DLG2: variants seen among roughly 807,000 people sequenced by gnomAD.
DLG2 encodes discs large MAGUK scaffold protein 2.
DLG2 carries 45 observed loss-of-function variants against 132.5 expected under a neutral mutation model. That is an observed-to-expected ratio of 0.34 (90% CI 0.27 to 0.44). The LOEUF (loss-of-function observed/expected upper bound fraction) is 0.44, where lower values mean the gene tolerates loss of function less well. Ranked by LOEUF, DLG2 falls within the 20% of genes least tolerant of loss-of-function variation. DLG2 has a pLI of 1.00. For missense variants in DLG2, 1,045 were observed against 1,196.9 expected (o/e 0.87, Z 1.87); for synonymous variants, 424 against 419.6 (o/e 1.01, Z -0.13).
intron 6 of DLG2, among the ~76,000 whole-genome samples, chr11:84,651,470 C>A (rs554119182): frequency 6.6e-6 from 1 of 152,196 alleles, no homozygotes; most frequent in African/African-American, 2.4e-5. Flanking sequence ...TCAGAGTTCA[C>A]AGGAAGATGC....
intron 7 of DLG2, among the ~76,000 whole-genome samples, chr11:84,317,520 G>A (rs1012568475): frequency 2.0e-5 from 3 of 152,100 alleles, no homozygotes; most frequent in Non-Finnish European, 2.9e-5. Flanking sequence ...TTGGCATTCC[G>A]GCTTTTCCCT....
intron 6 of DLG2, among the ~76,000 whole-genome samples, chr11:84,926,453 T>C (rs2092979796): frequency 6.6e-6 from 1 of 152,040 alleles, no homozygotes; most frequent in South Asian, 2.1e-4. Context: ...ATATAAGATA[T>C]ATATACATAT....
intron 7 of DLG2, among the ~76,000 whole-genome samples, chr11:84,398,695 C>T (rs2098819227): frequency 1.3e-5 from 2 of 152,132 alleles, no homozygotes; most frequent in Admixed American, 1.3e-4. Context: ...AAACCACACA[C>T]TCCAGTGTGA....
At chr11:85,134,524 G>A (rs1477791908) in intron 5 of DLG2, among the ~76,000 whole-genome samples, 6 of 85,080 alleles carry the variant, frequency 7.1e-5, no homozygotes, top group African/African-American at 1.6e-4. Flanking sequence ...GCGAGACTCC[G>A]TCTCAAAAAA....
intron 15 of DLG2, among the ~76,000 whole-genome samples, chr11:83,906,100 T>C (rs1002730037): frequency 1.2e-4 from 9 of 73,444 alleles, no homozygotes; most frequent in African/African-American, 4.9e-4. Context: ...TATATATATA[T>C]ATATACATAT....
At chr11:84,804,941 T>A (rs2075823012) in intron 6 of DLG2, among the ~76,000 whole-genome samples, 1 of 151,902 alleles carries the variant, frequency 6.6e-6, no homozygotes, top group South Asian at 2.1e-4. Flanking sequence ...TGGAGAAAAA[T>A]TAGGGAGCTT....
At chr11:84,636,259 C>T (rs533070114) in intron 6 of DLG2, among the ~76,000 whole-genome samples, 14 of 152,148 alleles carry the variant, frequency 9.2e-5, no homozygotes, top group Admixed American at 4.6e-4. Flanking sequence ...TTCATTTGGC[C>T]GAGAAATAGC....
intron 2 of DLG2, among the ~76,000 whole-genome samples, chr11:85,607,727 A>C (rs1008834624): frequency 6.6e-6 from 1 of 152,222 alleles, no homozygotes; most frequent in African/African-American, 2.4e-5. Flanking sequence ...GGCCTAATAA[A>C]GGCTATTCCT....
In DLG2 at chr11:84,551,910, T is replaced by C. The variant is rs187891564; in HGVS notation, c.358-17179A>G. 1.2e-3 allele frequency among the ~76,000 whole-genome samples: 186 copies of C among 152,262 alleles called. 1 individual carries two copies. Among genetic ancestry groups the C allele is most frequent in the African/African-American group, 3.7e-3 (155 of 41,554 alleles). ...TTCTCTGGTCACCCAAATACAAAAT[T>C]ACACAGATGAAGATGATCCCTCAGC... is the stretch of plus-strand genomic sequence containing the variant. On this transcript the variant is annotated intron_variant, in intron 6 of 27. Transcript: ENST00000376104.
intron 9 of DLG2, among the ~76,000 whole-genome samples, chr11:84,160,163 G>A (rs918157078): frequency 6.6e-6 from 1 of 152,074 alleles, no homozygotes; most frequent in Non-Finnish European, 1.5e-5. Context: ...GTATCTAAGG[G>A]CATGAGTCTG....
At chr11:83,742,496 A>G (rs1361585613) in intron 18 of DLG2, among the ~76,000 whole-genome samples, 1 of 152,192 alleles carries the variant, frequency 6.6e-6, no homozygotes, top group East Asian at 1.9e-4. Flanking sequence ...TAATGCTACC[A>G]AGATTCAGGA....
chr11:84,932,832 G>A (rs1247972800), intron 6 of DLG2, among the ~76,000 whole-genome samples: 1 of 152,158 alleles, frequency 6.6e-6, no homozygotes, highest in Non-Finnish European at 1.5e-5. Context: ...GTGTGTGCAT[G>A]TGTCTTTATA....
intron 17 of DLG2, among the ~76,000 whole-genome samples, chr11:83,816,972 T>C (rs552987271): frequency 8.8e-4 from 88 of 100,214 alleles, no homozygotes; most frequent in Admixed American, 1.3e-3. Context: ...GCAATACAGG[T>C]GTATACTGCC....
intron 4 of DLG2, among the ~76,000 whole-genome samples, chr11:85,219,385 T>A (rs2082855901): frequency 6.6e-6 from 1 of 152,138 alleles, no homozygotes; most frequent in Non-Finnish European, 1.5e-5. Flanking sequence ...AGTACTTCTT[T>A]AGTCTCTGTC....
intron 5 of DLG2, among the ~76,000 whole-genome samples, chr11:85,116,512 A>G (rs1351223925): frequency 6.6e-6 from 1 of 151,990 alleles, no homozygotes; most frequent in Non-Finnish European, 1.5e-5. Context: ...AATATGATTT[A>G]TGTGTGTGTA....
chr11:84,742,473 G>A (rs1350703683), intron 6 of DLG2, among the ~76,000 whole-genome samples: 2 of 152,128 alleles, frequency 1.3e-5, no homozygotes, highest in African/African-American at 4.8e-5. Flanking sequence ...AACCTTACAG[G>A]CGTTTTTCAA....
intron 6 of DLG2, among the ~76,000 whole-genome samples, chr11:84,990,011 T>C (rs2056911852): frequency 6.6e-6 from 1 of 152,086 alleles, no homozygotes; most frequent in South Asian, 2.1e-4. Flanking sequence ...ATTAACAAAT[T>C]AGACTTCTTA....
chr11:84,434,339 G>A (rs932168953), intron 7 of DLG2, among the ~76,000 whole-genome samples: 1 of 151,984 alleles, frequency 6.6e-6, no homozygotes, highest in Non-Finnish European at 1.5e-5. Context: ...TAAAAGAGAG[G>A]GACAAGATAA....
Position 84,821,754 on chromosome 11 carries a change from C to A in DLG2, c.358-287023G>T, listed in dbSNP as rs73514947. Among the ~76,000 whole-genome samples the A allele has an allele frequency of 3.2e-3, 477 of 151,296 alleles. 6 individuals are homozygous for A. Among genetic ancestry groups the A allele is most frequent in the African/African-American group, 0.011 (461 of 41,312 alleles). Reference sequence around the variant, plus strand: ...ATTCTTTGCCACTGGAACTGATAACCCATTGTGTATTACAAAGAGTTAGAA... The same window carrying A: ...ATTCTTTGCCACTGGAACTGATAACACATTGTGTATTACAAAGAGTTAGAA... On this transcript the variant is annotated intron_variant, in intron 6 of 27. Transcript: ENST00000376104.
Sources: allele counts gnomAD v4.1 joint callset (sites outside exome capture counted in the v4.1 genomes callset), GRCh38; gene constraint gnomAD v4.1.1; transcripts MANE v1.5; gene names NCBI Gene and HGNC (gene_info 2026-07-23, HGNC 2026-07-21).